The following DCAF8L2 variants were observed in gnomAD, a reference collection of about 807,000 sequenced individuals.
The protein encoded by DCAF8L2 is DDB1 and CUL4 associated factor 8 like 2.
For missense variants in DCAF8L2, 430 were observed against 490.7 expected (o/e 0.88, Z 1.17); for synonymous variants, 200 against 190.9 (o/e 1.05, Z -0.39).
rs563156013 is a variant in DCAF8L2, at chrX:27,644,531, G to A, written c.-220+12531G>A. Reference sequence around the variant, plus strand: ...AAAAAACCTCTTGTTACAAATCACCGAGATATGCTGGATAAATATGACCAA... The same window carrying A: ...AAAAAACCTCTTGTTACAAATCACCAAGATATGCTGGATAAATATGACCAA... On this transcript the variant is annotated intron_variant, in intron 2 of 4. Coordinates refer to ENST00000451261, the MANE Select transcript of DCAF8L2 (RefSeq NM_001353450.2). Among the ~76,000 whole-genome samples the A allele has an allele frequency of 7.2e-5, 8 of 111,007 alleles. No homozygotes were observed. In the South Asian group the frequency reaches 2.8e-3, roughly 38 times the overall value.
Position 27,658,914 on chromosome X carries a change from C to T in DCAF8L2, c.-219-18922C>T, listed in dbSNP as rs781010664. ...ATTTAATTCTAACCGTTTCCTCAAC[C>T]GTCATTAACTGATGGATTAAAATGT... On this transcript the variant is annotated intron_variant, in intron 2 of 4. Transcript: ENST00000451261. 1.3e-4 allele frequency among the ~76,000 whole-genome samples: 14 copies of T among 111,857 alleles called. No individual in the cohort carries two copies. The Admixed American group carries it at 1.3e-3, about 11-fold the overall frequency.
chrX:27,526,940 G>A, the DCAF8L2 span, among the ~76,000 whole-genome samples: 1 of 112,513 alleles, frequency 8.9e-6, no homozygotes, highest in African/African-American at 3.2e-5. Flanking sequence ...CCCCTACTGG[G>A]GGGTGCCTCC....
the DCAF8L2 span, among the ~76,000 whole-genome samples, chrX:27,479,474 G>A: frequency 1.8e-5 from 2 of 111,450 alleles, no homozygotes; most frequent in African/African-American, 3.3e-5. Context: ...GGAGAAATAG[G>A]TAACTAATAA....
At chrX:27,602,117 C>T (rs897029958) in intron 1 of DCAF8L2, among the ~76,000 whole-genome samples, 1 of 111,010 alleles carries the variant, frequency 9.0e-6, no homozygotes, top group South Asian at 3.8e-4. Flanking sequence ...AGTGCAGTAG[C>T]GCAAGTCTCC....
At chrX:27,483,639 G>T in the DCAF8L2 span, among the ~76,000 whole-genome samples, 6 of 110,834 alleles carry the variant, frequency 5.4e-5, no homozygotes, top group African/African-American at 2.0e-4. Flanking sequence ...ACATCGTTTG[G>T]GTGTCTGAGT....
At chrX:27,706,515 T>C (rs1388347862) in intron 3 of DCAF8L2, among the ~76,000 whole-genome samples, 3 of 111,161 alleles carry the variant, frequency 2.7e-5, no homozygotes, top group Non-Finnish European at 5.7e-5. Flanking sequence ...AAATAGGCAA[T>C]AGACACATGA....
chrX:27,503,899 G>A, the DCAF8L2 span, among the ~76,000 whole-genome samples: 1 of 111,978 alleles, frequency 8.9e-6, no homozygotes. Flanking sequence ...ATAAAAAAGA[G>A]AAAATGTAAT....
the DCAF8L2 span, among the ~76,000 whole-genome samples, chrX:27,502,335 A>AAAAATATAT: frequency 7.9e-5 from 1 of 12,714 alleles, no homozygotes; most frequent in Non-Finnish European, 1.5e-4. Flanking sequence ...AAAAAAAAAA[A>AAAAATATAT]ATATATATAT....
the DCAF8L2 span, among the ~76,000 whole-genome samples, chrX:27,493,987 T>C: frequency 8.9e-6 from 1 of 111,889 alleles, no homozygotes; most frequent in African/African-American, 3.2e-5. Context: ...CCACTTTTGA[T>C]TATCCATTCA....
At chrX:27,717,245 A>G (rs1931733527) in intron 4 of DCAF8L2, among the ~76,000 whole-genome samples, 1 of 112,095 alleles carries the variant, frequency 8.9e-6, no homozygotes, top group Non-Finnish European at 1.9e-5. Context: ...TTGGGTATAT[A>G]CCCAGTAATG....
chrX:27,610,018 A>G lies in DCAF8L2; in HGVS notation c.-342+19578A>G, dbSNP rs181250959. On this transcript the variant is annotated intron_variant, in intron 1 of 4. Transcript: ENST00000451261. ...CCAGATAATGCACCATTAAAATGAA[A>G]TCAGGCTTGCTATATTGTTAAGCCA... Among the ~76,000 whole-genome samples, 447 of 112,204 alleles carry G rather than the reference A, an allele frequency of 4.0e-3. 1 individual carries two copies. The highest frequency in any genetic ancestry group is 0.014 in the African/African-American group (419 of 30,963).
the DCAF8L2 span, among the ~76,000 whole-genome samples, chrX:27,533,715 T>C: frequency 2.9e-4 from 32 of 112,086 alleles, no homozygotes; most frequent in African/African-American, 1.0e-3. Context: ...TATAAAATAG[T>C]TTATACTCTT....
chrX:27,578,258 A>C, the DCAF8L2 span, among the ~76,000 whole-genome samples: 4 of 111,637 alleles, frequency 3.6e-5, no homozygotes, highest in Non-Finnish European at 7.5e-5. Flanking sequence ...ATAAGACTGC[A>C]CATCTACAAC....
rs1249357069 is a variant in DCAF8L2 at position 27,747,611 on chromosome X, G to A, written c.716G>A (p.Arg239His). 4 of 1,202,082 alleles carry A rather than the reference G, an allele frequency of 3.3e-6. No individual in the cohort carries two copies. Among genetic ancestry groups the A allele is most frequent in the African/African-American group, 1.7e-5 (1 of 57,147 alleles). Residue 239 changes from arginine (R) to histidine (H), a missense_variant, in exon 5 of 5, where the codon CGT becomes CAT. Coordinates refer to ENST00000451261, the MANE Select transcript of DCAF8L2 (RefSeq NM_001353450.2). ...GTCAATACTGTACACTTTAACCAGC[G>A]TGGCACCCGGCTGGCCAGTAGCGGT... ...GCVNTVHFNQRGTRLASSGDD... is the reference protein window; with the variant it reads ...GCVNTVHFNQHGTRLASSGDD...
chrX:27,642,145 G>A lies in DCAF8L2; in HGVS notation c.-220+10145G>A, dbSNP rs772302035. 1.7e-3 allele frequency among the ~76,000 whole-genome samples: 188 copies of A among 110,149 alleles called. 7 individuals carry two copies. The highest frequency in any genetic ancestry group is 4.7e-3 in the Middle Eastern group (1 of 213). The stretch of plus-strand genomic sequence containing the variant: ...CCTGACCTCGTGATCCGCCCACCTC[G>A]GCCTCCCAAAGTGTTGGGATAACAA... On this transcript the variant is annotated intron_variant, in intron 2 of 4. Transcript: ENST00000451261.
the DCAF8L2 span, among the ~76,000 whole-genome samples, chrX:27,534,673 G>A: frequency 8.9e-6 from 1 of 112,243 alleles, no homozygotes; most frequent in African/African-American, 3.2e-5. Context: ...GATATTAGAA[G>A]CACTTCTTCA....
At chrX:27,732,652 T>C (rs1921279645) in intron 4 of DCAF8L2, among the ~76,000 whole-genome samples, 1 of 111,123 alleles carries the variant, frequency 9.0e-6, no homozygotes, top group Non-Finnish European at 1.9e-5. Context: ...ACACTTAGAT[T>C]GTTTCCATAT....
At chrX:27,555,762 A>C in the DCAF8L2 span, among the ~76,000 whole-genome samples, 378 of 111,716 alleles carry the variant, frequency 3.4e-3, 1 homozygote, top group African/African-American at 0.011. Flanking sequence ...GCTGTTGGTG[A>C]GAGGTGTGAG....
intron 2 of DCAF8L2, among the ~76,000 whole-genome samples, chrX:27,655,768 C>T (rs1328859631): frequency 3.6e-5 from 4 of 111,428 alleles, no homozygotes; most frequent in Admixed American, 1.9e-4. Context: ...AGCTTACATG[C>T]TAACTAAATA....
Sources: gnomAD v4.1 joint callset for allele counts (sites outside exome capture counted in the v4.1 genomes callset) on GRCh38, gnomAD v4.1.1 for gene constraint, MANE v1.5 for transcripts, NCBI Gene and HGNC (gene_info 2026-07-23, HGNC 2026-07-21) for gene names.